SEL1L3: variants seen among roughly 807,000 people sequenced by gnomAD.
SEL1L3 encodes the protein protein sel-1 homolog 3.
Under a neutral mutation model 142.8 loss-of-function variants are expected in SEL1L3, and 76 were observed. That is an observed-to-expected ratio of 0.53 (90% CI 0.44 to 0.64). The LOEUF (loss-of-function observed/expected upper bound fraction) is 0.64. SEL1L3 is among the 30% of genes least tolerant of loss of function. SEL1L3 has a pLI of 0.00. For missense variants in SEL1L3, 1,262 were observed against 1,381.7 expected (o/e 0.91, Z 1.37); for synonymous variants, 504 against 519.6 (o/e 0.97, Z 0.41).
At chr4:25,814,786 A>G (rs1018703659) in intron 9 of SEL1L3, among the ~76,000 whole-genome samples, 1 of 143,390 alleles carries the variant, frequency 7.0e-6, no homozygotes, top group Non-Finnish European at 1.5e-5. Context: ...CCCTCAATTT[A>G]CAAAATCAAG....
rs779258398 is a variant in SEL1L3 at position 25,790,442 on chromosome 4, C to A, written c.2076+13G>T. 18 of 1,613,342 alleles carry A rather than the reference C, an allele frequency of 1.1e-5. No individual in the cohort carries two copies. Among genetic ancestry groups the A allele is most frequent in the Non-Finnish European group, 1.7e-6 (2 of 1,179,538 alleles). ...GCTGACAGAATCCCCAAGACAGTAG[C>A]CTGCGTTTTTACCTGAGCTGCTGCA... On this transcript the variant is annotated intron_variant, in intron 12 of 23. Transcript: ENST00000399878.
chr4:25,765,079 T>C (rs1207407303), intron 20 of SEL1L3, among the ~76,000 whole-genome samples: 1 of 152,100 alleles, frequency 6.6e-6, no homozygotes, highest in Non-Finnish European at 1.5e-5. Flanking sequence ...GCTGCAGCCT[T>C]GACTTGACAG....
At chr4:25,854,388 G>T (rs753746848) in intron 1 of SEL1L3, among the ~76,000 whole-genome samples, 3 of 151,860 alleles carry the variant, frequency 2.0e-5, no homozygotes, top group Non-Finnish European at 4.4e-5. Flanking sequence ...AGTGATTCTC[G>T]TGCCTCAGCC....
chr4:25,832,994 C>A lies in SEL1L3; in HGVS notation c.1098+1G>T. 1 of 1,556,480 alleles carries A rather than the reference C, an allele frequency of 6.4e-7. No individual in the cohort carries two copies. Among genetic ancestry groups the A allele is most frequent in the Non-Finnish European group, 8.9e-7 (1 of 1,127,756 alleles). On this transcript the variant is annotated splice_donor_variant, in intron 5 of 23. Transcript: ENST00000399878. LOFTEE classifies it high-confidence loss of function. ...GTGTGATGAAGCGTGCATACAGATA[C>A]CTGGCCTCCGTTAAAAGAGATATCC...
At chr4:25,769,180 G>T (rs906292444) in intron 17 of SEL1L3, among the ~76,000 whole-genome samples, 7 of 152,144 alleles carry the variant, frequency 4.6e-5, no homozygotes, top group Non-Finnish European at 7.4e-5. Context: ...GTGGGGAAAG[G>T]TTCGGTGAGG....
chr4:25,833,740 G>T (rs1715594241), intron 3 of SEL1L3, among the ~76,000 whole-genome samples, 171 bp from the exon 4 acceptor site: 1 of 152,184 alleles, frequency 6.6e-6, no homozygotes, highest in Non-Finnish European at 1.5e-5. Context: ...AACAAAGGAG[G>T]TAGTTAAAGT....
At chr4:25,808,613 T>C (rs1453817467) in intron 9 of SEL1L3, among the ~76,000 whole-genome samples, 3 of 151,994 alleles carry the variant, frequency 2.0e-5, no homozygotes, top group Non-Finnish European at 2.9e-5. Context: ...GGTAGAAGTT[T>C]GAAAGGGGAA....
intron 2 of SEL1L3, among the ~76,000 whole-genome samples, chr4:25,843,059 G>A (rs1382221060): frequency 6.6e-6 from 1 of 152,180 alleles, no homozygotes; most frequent in Non-Finnish European, 1.5e-5. Context: ...CCCAAAGTGA[G>A]AATGAACTTG....
rs540949175 is a variant in SEL1L3, at chr4:25,858,515, T to C, written c.162+4160A>G. ...TGTCACAGCCGCTGTCTGCTAACTGTCCCACATGTATCTGTTCTGTTTTTT... is the reference window on the plus strand; with the variant it reads ...TGTCACAGCCGCTGTCTGCTAACTGCCCCACATGTATCTGTTCTGTTTTTT... On this transcript the variant is annotated intron_variant, in intron 1 of 23. Coordinates refer to ENST00000399878, the MANE Select transcript of SEL1L3 (RefSeq NM_015187.5). Among the ~76,000 whole-genome samples, 5 of 152,332 alleles carry C rather than the reference T, an allele frequency of 3.3e-5. No homozygotes were observed. In the South Asian group the frequency reaches 1.0e-3, roughly 32 times the overall value.
In SEL1L3 at chr4:25,782,560, A is replaced by G. The variant is rs1711514666; in HGVS notation, c.2281-142T>C. ...ATTTTGGAGCAGATGGCATTAAAGA[A>G]AAGCTAAGTGCTAGAAAACACAAGC... On this transcript the variant is annotated intron_variant, in intron 14 of 23. Coordinates refer to ENST00000399878, the MANE Select transcript of SEL1L3 (RefSeq NM_015187.5). 14 of 723,230 alleles carry G rather than the reference A, an allele frequency of 1.9e-5. No individual in the cohort carries two copies. The South Asian group carries it at 2.8e-4, about 14-fold the overall frequency. 44.8% of individuals were successfully genotyped at this position (723,230 alleles called of 1,614,324 possible). A position where few individuals can be genotyped will look rare whatever the true frequency, so the allele number is the denominator to read the frequency against.
At chr4:25,731,899 C>T in the SEL1L3 span, among the ~76,000 whole-genome samples, 1 of 152,004 alleles carries the variant, frequency 6.6e-6, no homozygotes, top group African/African-American at 2.4e-5. Flanking sequence ...ATGACGAAAA[C>T]CCATCTCTAC....
chr4:25,802,259 C>T (rs1362036422), intron 11 of SEL1L3, 24 bp downstream of exon 11: 16 of 1,598,256 alleles, frequency 1.0e-5, no homozygotes, highest in African/African-American at 2.7e-5. Flanking sequence ...CATAACCATT[C>T]CCAACCTTTT....
Position 25,748,207 on chromosome 4 carries a change from T to C in SEL1L3, c.*218A>G, listed in dbSNP as rs77799526. ...TTCCCCACATGCCCTATGATCAAGA[T>C]GTTCCTTGTATGTGTTTGATGACCT... On this transcript the variant is annotated 3_prime_UTR_variant, in exon 24 of 24. Transcript: ENST00000399878. 8 of 539,380 alleles carry C rather than the reference T, an allele frequency of 1.5e-5. No individual in the cohort carries two copies. The highest frequency in any genetic ancestry group is 2.6e-5 in the Non-Finnish European group (8 of 302,772). 33.4% of individuals were successfully genotyped at this position (539,380 alleles called of 1,614,324 possible).
At chr4:25,718,192 A>G in the SEL1L3 span, 2 of 152,224 alleles carry the variant, frequency 1.3e-5, no homozygotes, top group African/African-American at 4.8e-5. Context: ...CTGTTAATAT[A>G]ATATGCAAGT....
At chr4:25,780,940 C>T (rs1161738002) in intron 15 of SEL1L3, among the ~76,000 whole-genome samples, 2 of 151,516 alleles carry the variant, frequency 1.3e-5, no homozygotes, top group African/African-American at 4.8e-5. Flanking sequence ...ATTCTCCTGC[C>T]TCAGCCTCTC....
chr4:25,770,958 C>T (rs1053318961), intron 17 of SEL1L3, among the ~76,000 whole-genome samples: 2 of 152,156 alleles, frequency 1.3e-5, no homozygotes, highest in Non-Finnish European at 2.9e-5. Context: ...TGCAGAAACC[C>T]TGTCCACATT....
At chr4:25,798,782 C>T (rs965196213) in intron 11 of SEL1L3, among the ~76,000 whole-genome samples, 3 of 151,886 alleles carry the variant, frequency 2.0e-5, no homozygotes, top group Admixed American at 6.6e-5. Flanking sequence ...GAGCTGAGAT[C>T]GTGCCACTGC....
intron 15 of SEL1L3, among the ~76,000 whole-genome samples, chr4:25,780,005 A>T (rs1007842734): frequency 4.6e-5 from 7 of 152,218 alleles, no homozygotes; most frequent in Non-Finnish European, 1.0e-4. Context: ...CTCAAGGTTT[A>T]GCACAGTGCT....
upstream of SEL1L3, chr4:25,863,390 T>A: frequency 1.4e-6 from 1 of 693,160 alleles, no homozygotes. Flanking sequence ...CTTTCTCCCT[T>A]CCCATCCTCT....
Sources: allele counts gnomAD v4.1 joint callset (sites outside exome capture counted in the v4.1 genomes callset), GRCh38; gene constraint gnomAD v4.1.1; transcripts MANE v1.5; gene names NCBI Gene and HGNC (gene_info 2026-07-23, HGNC 2026-07-21).